SMAD6: variants seen among roughly 807,000 people sequenced by gnomAD.
SMAD6 encodes the protein SMAD family member 6.
A neutral mutation model predicts 39.4 loss-of-function variants in SMAD6; 103 were observed. The ratio of observed to expected loss-of-function variants is 2.62; its 90% CI spans 2.23 to 3.08. The LOEUF (loss-of-function observed/expected upper bound fraction) is 3.08. Ranked by LOEUF, SMAD6 falls within the 30% of genes most tolerant of loss-of-function variation. The pLI is 0.00. For missense variants in SMAD6, 1,104 were observed against 742.9 expected, an observed-to-expected ratio of 1.49 and a Z score of -5.65; for synonymous variants, 445 against 353.3, an observed-to-expected ratio of 1.26 and a Z score of -2.91.
At chr15:66,717,396 A>C in intron 3 of SMAD6, 1 of 455,866 alleles carries the variant, frequency 2.2e-6, no homozygotes, top group South Asian at 1.5e-5. Flanking sequence ...TATGGCCGGC[A>C]CTCCACTTGG....
intron 3 of SMAD6, among the ~76,000 whole-genome samples, chr15:66,760,914 C>T (rs1894186773): frequency 6.6e-6 from 1 of 152,158 alleles, no homozygotes; most frequent in South Asian, 2.1e-4. Flanking sequence ...GTTGAACCCT[C>T]CTCTCGAGGG....
chr15:66,746,350 C>T (rs552939192), intron 3 of SMAD6, among the ~76,000 whole-genome samples: 105 of 152,172 alleles, frequency 6.9e-4, no homozygotes, highest in Non-Finnish European at 1.0e-3. Context: ...GCATGTGGGA[C>T]GTGTGGGCTG....
Position 66,703,333 on chromosome 15 carries a change from CG to C in SMAD6, c.77del (p.Gly26AlafsTer38), listed in dbSNP as rs1433881712. The C allele has an allele frequency of 6.7e-7, 1 of 1,482,734 alleles. No homozygotes were observed. The highest frequency in any genetic ancestry group is 1.5e-5 in the African/African-American group (1 of 68,038). The allele number at this position is 1,482,734 out of a possible 1,614,324, so 91.8% of individuals were successfully genotyped here. On this transcript the variant is annotated frameshift_variant, in exon 1 of 4. Coordinates refer to ENST00000288840, the MANE Select transcript of SMAD6 (RefSeq NM_005585.5). LOFTEE classifies it high-confidence loss of function. ...GTGTGGTCCCCGACCGGGAGGAAGG[CG>C]GCAGCGGCGGCGGCGGTGGCGGCGA... The part of the protein sequence containing the change: ...SRVVPDREEG[G>X]SGGGGGGDED...
intron 3 of SMAD6, among the ~76,000 whole-genome samples, chr15:66,728,983 A>C (rs1893573359): frequency 6.6e-6 from 1 of 152,170 alleles, no homozygotes; most frequent in African/African-American, 2.4e-5. Flanking sequence ...CTTATTAGAT[A>C]CTGTGCCAGA....
At chr15:66,753,049 G>T (rs1273083838) in intron 3 of SMAD6, among the ~76,000 whole-genome samples, 1 of 152,198 alleles carries the variant, frequency 6.6e-6, no homozygotes, top group Non-Finnish European at 1.5e-5. Context: ...GCTCTTGGAA[G>T]GTTGTTTCAT....
At chr15:66,772,059 C>T (rs183984549) in intron 3 of SMAD6, among the ~76,000 whole-genome samples, 44 of 152,302 alleles carry the variant, frequency 2.9e-4, no homozygotes, top group African/African-American at 1.0e-3. Flanking sequence ...TCCCTCTTCA[C>T]GTCCAGTGTT....
chr15:66,763,231 C>A (rs1894231546), intron 3 of SMAD6, among the ~76,000 whole-genome samples: 2 of 152,140 alleles, frequency 1.3e-5, no homozygotes, highest in East Asian at 3.9e-4. Flanking sequence ...GGTCAGCATG[C>A]CACTTGGAGG....
At chr15:66,750,952 G>A (rs1893994216) in intron 3 of SMAD6, among the ~76,000 whole-genome samples, 1 of 152,188 alleles carries the variant, frequency 6.6e-6, no homozygotes, top group Admixed American at 6.5e-5. Context: ...GGGGATGTGA[G>A]CAGAGCGCCG....
intron 3 of SMAD6, among the ~76,000 whole-genome samples, chr15:66,744,606 T>A (rs1364589194): frequency 6.6e-6 from 1 of 152,234 alleles, no homozygotes; most frequent in Non-Finnish European, 1.5e-5. Flanking sequence ...GTGAACTCCT[T>A]AAAGTAAGGT....
chr15:66,753,219 C>A lies in SMAD6; in HGVS notation c.953-27778C>A, dbSNP rs182718859. 4.6e-5 allele frequency among the ~76,000 whole-genome samples: 7 copies of A among 152,286 alleles called. No homozygotes were observed. The East Asian group carries it at 1.4e-3, about 29-fold the overall frequency. ...GTCCCTGAGGCCTGATGAGACCCTC[C>A]CAGTACTTTTAGGATCTGGGATGTG... On this transcript the variant is annotated intron_variant, in intron 3 of 3. Coordinates refer to ENST00000288840, the MANE Select transcript of SMAD6 (RefSeq NM_005585.5).
intron 3 of SMAD6, among the ~76,000 whole-genome samples, chr15:66,729,634 C>G (rs1893588753): frequency 6.6e-6 from 1 of 152,198 alleles, no homozygotes; most frequent in Admixed American, 6.5e-5. Flanking sequence ...CGTGGACTCC[C>G]AGGCCCTTCT....
Position 66,716,473 on chromosome 15 carries a change from C to T in SMAD6, c.927C>T (p.Leu309=), listed in dbSNP as rs1277834527. Residue 309 remains leucine, a synonymous_variant, in exon 3 of 4, where the codon CTC becomes CTT. Coordinates refer to ENST00000288840, the MANE Select transcript of SMAD6 (RefSeq NM_005585.5). Reference sequence around the variant, plus strand: ...CTGAAACGGAGGCTACCAACTCCCTCATCACTGCTCCGGGTGAATTCTCAG... The same window carrying T: ...CTGAAACGGAGGCTACCAACTCCCTTATCACTGCTCCGGGTGAATTCTCAG... ...SYTETEATNS[L]ITAPGEFSDA... The T allele has an allele frequency of 1.9e-6, 3 of 1,613,450 alleles. No individual in the cohort carries two copies. Among genetic ancestry groups the T allele is most frequent in the Admixed American group, 3.3e-5 (2 of 60,028 alleles).
chr15:66,742,179 G>A (rs909394653), intron 3 of SMAD6, among the ~76,000 whole-genome samples: 1 of 152,168 alleles, frequency 6.6e-6, no homozygotes, highest in East Asian at 1.9e-4. Flanking sequence ...TTACAGCCAC[G>A]ACACAGGTAC....
intron 3 of SMAD6, among the ~76,000 whole-genome samples, chr15:66,726,153 A>T (rs2439392): frequency 0.21 from 31,248 of 152,012 alleles, 3,487 homozygotes; most frequent in African/African-American, 0.3. Context: ...CCACCCTGGG[A>T]TCACTGGGGA....
At chr15:66,710,509 G>C (rs1893207241) in intron 1 of SMAD6, among the ~76,000 whole-genome samples, 1 of 152,154 alleles carries the variant, frequency 6.6e-6, no homozygotes, top group Non-Finnish European at 1.5e-5. Context: ...CAAAACAAAT[G>C]CTCCTGTAAC....
chr15:66,707,897 A>G (rs1487263920), intron 1 of SMAD6: 1 of 152,288 alleles, frequency 6.6e-6, no homozygotes, highest in Non-Finnish European at 1.5e-5. Context: ...GTAATGTCCC[A>G]AACTGAAACT....
chr15:66,726,975 A>C (rs2439391), intron 3 of SMAD6, among the ~76,000 whole-genome samples: 110,672 of 151,866 alleles, frequency 0.73, 40,444 homozygotes, highest in East Asian at 0.95. Context: ...ACTGTCTCCC[A>C]CTCAAGGCAG....
At chr15:66,710,968 C>G (rs1893215221) in intron 1 of SMAD6, among the ~76,000 whole-genome samples, 1 of 152,132 alleles carries the variant, frequency 6.6e-6, no homozygotes, top group Non-Finnish European at 1.5e-5. Context: ...TTCTACTGTC[C>G]TCCCCTGCAC....
At chr15:66,732,709 G>A (rs923115194) in intron 3 of SMAD6, among the ~76,000 whole-genome samples, 1 of 151,688 alleles carries the variant, frequency 6.6e-6, no homozygotes, top group South Asian at 2.1e-4. Flanking sequence ...GAATTTTGAG[G>A]GTTCTTTACA....
Sources: gnomAD v4.1 joint callset for allele counts (sites outside exome capture counted in the v4.1 genomes callset) on GRCh38, gnomAD v4.1.1 for gene constraint, MANE v1.5 for transcripts, NCBI Gene and HGNC (gene_info 2026-07-23, HGNC 2026-07-21) for gene names.